Variants in PAX3 observed in about 807,000 individuals in gnomAD.
PAX3 encodes paired box protein Pax-3.
PAX3 carries 14 observed loss-of-function variants against 51.6 expected under a neutral mutation model. That is an observed-to-expected ratio of 0.27 (90% confidence interval 0.18 to 0.42). The LOEUF is 0.42. PAX3 is among the 10% of genes least tolerant of loss of function. The pLI is 1.00. For missense variants in PAX3, 540 were observed against 642.8 expected (o/e 0.84, Z 1.73); for synonymous variants, 280 against 253.4 (o/e 1.11, Z -1.00).
intron 7 of PAX3, among the ~76,000 whole-genome samples, chr2:222,206,268 G>GC (rs1177245392): frequency 6.6e-6 from 1 of 152,000 alleles, no homozygotes; most frequent in Non-Finnish European, 1.5e-5. Context: ...CTCATTAAAT[G>GC]CCAGGTAAAT....
intron 4 of PAX3, among the ~76,000 whole-genome samples, chr2:222,234,919 G>A (rs550059781): frequency 4.6e-5 from 7 of 152,194 alleles, no homozygotes; most frequent in African/African-American, 1.4e-4. Flanking sequence ...TCTTTCCAAA[G>A]TGAATTCAGG....
intron 4 of PAX3, among the ~76,000 whole-genome samples, chr2:222,244,932 G>A (rs1693165295): frequency 6.6e-6 from 1 of 152,068 alleles, no homozygotes; most frequent in Non-Finnish European, 1.5e-5. Flanking sequence ...CAGGTAACTT[G>A]AGGCCAGAGG....
At chr2:222,255,218 T>G (rs2106133198) in intron 4 of PAX3, among the ~76,000 whole-genome samples, 1 of 152,318 alleles carries the variant, frequency 6.6e-6, no homozygotes, top group South Asian at 2.1e-4. Flanking sequence ...TTCAAAAATG[T>G]GAGTCATGGG....
chr2:222,217,628 C>CACTT (rs1553572082), intron 7 of PAX3, among the ~76,000 whole-genome samples: 10 of 152,160 alleles, frequency 6.6e-5, no homozygotes, highest in African/African-American at 2.4e-4. Context: ...TAGTTATTCT[C>CACTT]AGCATAACAC....
chr2:222,222,553 G>T (rs143467162), intron 5 of PAX3, among the ~76,000 whole-genome samples: 7 of 151,956 alleles, frequency 4.6e-5, no homozygotes, highest in African/African-American at 1.7e-4. Flanking sequence ...ACAGGCACCC[G>T]CCACCATGCC....
intron 4 of PAX3, among the ~76,000 whole-genome samples, chr2:222,235,755 A>G (rs550094490): frequency 3.1e-4 from 47 of 152,244 alleles, no homozygotes; most frequent in African/African-American, 1.1e-3. Flanking sequence ...AGGCCATGAA[A>G]GCAGGGCCTG....
At chr2:222,213,100 AGG>A (rs1691810912) in intron 7 of PAX3, among the ~76,000 whole-genome samples, 1 of 152,204 alleles carries the variant, frequency 6.6e-6, no homozygotes, top group Admixed American at 6.5e-5. Context: ...TCAGCAAGGA[AGG>A]TTTTCTTTTG....
At chr2:222,242,947 G>A (rs918802971) in intron 4 of PAX3, among the ~76,000 whole-genome samples, 1 of 152,114 alleles carries the variant, frequency 6.6e-6, no homozygotes, top group Non-Finnish European at 1.5e-5. Flanking sequence ...TGCATATGTT[G>A]TTTAAAAGTC....
intron 4 of PAX3, among the ~76,000 whole-genome samples, chr2:222,265,691 G>GAAGGAAGGAAGGAAGGAAGGAAGGGAGA (rs1553583540): frequency 1.4e-5 from 2 of 142,136 alleles, no homozygotes; most frequent in African/African-American, 5.1e-5. Context: ...AGGAAGGAAG[G>GAAGGAAGGAAGGAAGGAAGGAAGGGAGA]GAGAAAGATT....
chr2:222,226,106 C>G (rs114488385), intron 5 of PAX3, among the ~76,000 whole-genome samples: 1 of 152,124 alleles, frequency 6.6e-6, no homozygotes, highest in Non-Finnish European at 1.5e-5. Flanking sequence ...TTATTCAAGA[C>G]GGATTACTTC....
intron 4 of PAX3, among the ~76,000 whole-genome samples, chr2:222,260,779 C>T (rs6752611): frequency 0.14 from 20,968 of 151,424 alleles, 1,715 homozygotes; most frequent in Non-Finnish European, 0.18. Context: ...TTAGTAGAGA[C>T]GGGGTTTCGC....
intron 5 of PAX3, among the ~76,000 whole-genome samples, chr2:222,226,228 T>C (rs950493011): frequency 6.6e-6 from 1 of 152,250 alleles, no homozygotes; most frequent in Admixed American, 6.5e-5. Context: ...TGTCGAATGC[T>C]GACATGCCAA....
intron 4 of PAX3, chr2:222,293,714 C>G: frequency 1.2e-6 from 2 of 1,614,186 alleles, no homozygotes; most frequent in East Asian, 2.2e-5. Flanking sequence ...TACTCTCTCT[C>G]TCTCTCCTTT....
intron 4 of PAX3, among the ~76,000 whole-genome samples, chr2:222,290,268 G>A (rs1032508932): frequency 6.6e-6 from 1 of 152,082 alleles, no homozygotes; most frequent in African/African-American, 2.4e-5. Context: ...AGCTGAAGTC[G>A]TCCTCGTTAA....
chr2:222,240,946 TG>T (rs1421533361), intron 4 of PAX3, among the ~76,000 whole-genome samples: 1 of 152,304 alleles, frequency 6.6e-6, no homozygotes, highest in East Asian at 1.9e-4. Context: ...CAAGAAAATG[TG>T]TCCCTATTCA....
At chr2:222,249,876 AG>A (rs1219711929) in intron 4 of PAX3, among the ~76,000 whole-genome samples, 2 of 152,144 alleles carry the variant, frequency 1.3e-5, no homozygotes, top group Non-Finnish European at 2.9e-5. Context: ...CCCAAATAGC[AG>A]GAACAATCAA....
At position 222,295,332 on chromosome 2, in the gene PAX3, C is replaced by G. The variant is rs370507341; in HGVS notation, c.451+196G>C. ...CCTCAGCGGTGGTCTCGCCACCCTC[C>G]GTCCCCAGGACAAGCAGCTCACCCC... is the stretch of plus-strand genomic sequence containing the variant. On this transcript the variant is annotated intron_variant, in intron 3 of 8. Transcript: ENST00000392070. Among the ~76,000 whole-genome samples the G allele has an allele frequency of 5.3e-5, 8 of 152,326 alleles. No individual in the cohort carries two copies. In the South Asian group the frequency reaches 1.2e-3, roughly 24 times the overall value.
intron 4 of PAX3, among the ~76,000 whole-genome samples, chr2:222,276,270 A>G: frequency 6.6e-6 from 1 of 152,200 alleles, no homozygotes; most frequent in East Asian, 1.9e-4. Flanking sequence ...AGGTACAAGA[A>G]AGCACGCATC....
chr2:222,265,490 A>C (rs1694012144), intron 4 of PAX3, among the ~76,000 whole-genome samples: 1 of 144,680 alleles, frequency 6.9e-6, no homozygotes, highest in Non-Finnish European at 1.5e-5. Context: ...CATCTCTACT[A>C]AAAATACAAA....
Sources: allele counts gnomAD v4.1 joint callset (sites outside exome capture counted in the v4.1 genomes callset), GRCh38; gene constraint gnomAD v4.1.1; transcripts MANE v1.5; gene names NCBI Gene and HGNC (gene_info 2026-07-23, HGNC 2026-07-21).